Variants in OTUD7B observed in about 807,000 individuals in gnomAD.
OTUD7B encodes OTU domain-containing protein 7B.
In OTUD7B, 34 loss-of-function variants were observed where a neutral mutation model predicts 82.2. That is an observed-to-expected ratio of 0.41 (90% CI 0.31 to 0.55). The LOEUF (loss-of-function observed/expected upper bound fraction) is 0.55. Ranked by LOEUF, OTUD7B falls within the 20% of genes least tolerant of loss-of-function variation. The pLI, the probability that OTUD7B is intolerant of heterozygous loss-of-function variation, is 0.20. For missense variants in OTUD7B, 944 were observed against 1,062.1 expected (o/e 0.89, Z 1.55); for synonymous variants, 398 against 402.7 (o/e 0.99, Z 0.14).
chr1:150,035,352 G>A, the OTUD7B span, among the ~76,000 whole-genome samples: 2 of 152,118 alleles, frequency 1.3e-5, no homozygotes, highest in African/African-American at 4.8e-5. Context: ...ATAACAGCAG[G>A]GGAGAAAAAG....
the OTUD7B span, among the ~76,000 whole-genome samples, chr1:150,032,693 A>G: frequency 9.9e-5 from 15 of 150,978 alleles, 1 homozygote; most frequent in East Asian, 3.9e-4. Context: ...GAAGAAGAAG[A>G]AGGAGGAGGA....
At chr1:149,950,977 A>T (rs75286837) in intron 7 of OTUD7B, among the ~76,000 whole-genome samples, 9,927 of 22,096 alleles carry the variant, frequency 0.45, 1,053 homozygotes, top group East Asian at 0.58. Context: ...TACTTTTTGT[A>T]TTTTTTTTTT....
chr1:150,059,053 C>CTTTTTTTT, the OTUD7B span, among the ~76,000 whole-genome samples: 10 of 125,472 alleles, frequency 8.0e-5, no homozygotes, highest in African/African-American at 9.6e-5. Flanking sequence ...ACTTTCTTTT[C>CTTTTTTTT]TTTTTTTTTT....
chr1:150,029,421 C>T, the OTUD7B span, among the ~76,000 whole-genome samples: 1 of 152,158 alleles, frequency 6.6e-6, no homozygotes, highest in African/African-American at 2.4e-5. Flanking sequence ...CGAGGTCATT[C>T]TTGATACTTA....
chr1:150,033,747 T>G, the OTUD7B span, among the ~76,000 whole-genome samples: 1 of 152,122 alleles, frequency 6.6e-6, no homozygotes, highest in Non-Finnish European at 1.5e-5. Flanking sequence ...TTTTTTGAGA[T>G]GGAATCTCGC....
chr1:149,956,173 C>T (rs941750138), intron 7 of OTUD7B, among the ~76,000 whole-genome samples: 4 of 152,230 alleles, frequency 2.6e-5, no homozygotes, highest in East Asian at 3.9e-4. Context: ...TGGCTGGTAT[C>T]GGTTGTTCCT....
At chr1:149,995,487 G>A (rs1651863675) in intron 1 of OTUD7B, among the ~76,000 whole-genome samples, 1 of 152,078 alleles carries the variant, frequency 6.6e-6, no homozygotes, top group South Asian at 2.1e-4. Context: ...GCTGAGCCAG[G>A]GGAATCGCTT....
At chr1:150,053,474 G>A in the OTUD7B span, among the ~76,000 whole-genome samples, 1 of 150,092 alleles carries the variant, frequency 6.7e-6, no homozygotes, top group South Asian at 2.1e-4. Flanking sequence ...TCGGCTCACC[G>A]CAACTTCTGC....
intron 1 of OTUD7B, among the ~76,000 whole-genome samples, chr1:150,006,504 C>T (rs1221379963): frequency 1.3e-5 from 2 of 152,054 alleles, no homozygotes; most frequent in Admixed American, 1.3e-4. Flanking sequence ...TGGGTCACTA[C>T]AAATAACAGT....
chr1:150,027,646 T>G, the OTUD7B span, among the ~76,000 whole-genome samples: 2 of 152,122 alleles, frequency 1.3e-5, no homozygotes, highest in Non-Finnish European at 2.9e-5. Context: ...AGTGATCAAC[T>G]TGACATTTCT....
At chr1:149,959,286 G>A (rs191491923) in intron 7 of OTUD7B, among the ~76,000 whole-genome samples, 314 of 151,858 alleles carry the variant, frequency 2.1e-3, no homozygotes, top group Non-Finnish European at 3.8e-3. Context: ...GGCTGGTTTC[G>A]AACTCCTGGG....
At chr1:149,983,198 C>A (rs782207720) in intron 1 of OTUD7B, among the ~76,000 whole-genome samples, 7 of 152,146 alleles carry the variant, frequency 4.6e-5, no homozygotes, top group Non-Finnish European at 1.0e-4. Flanking sequence ...GACATCCAGT[C>A]TCTTAACCAC....
the OTUD7B span, among the ~76,000 whole-genome samples, chr1:150,029,835 T>C: frequency 6.6e-6 from 1 of 152,064 alleles, no homozygotes; most frequent in Non-Finnish European, 1.5e-5. Context: ...CCTATACAAA[T>C]CTCCTATCCC....
intron 1 of OTUD7B, among the ~76,000 whole-genome samples, chr1:149,983,151 G>A (rs61807555): frequency 0.076 from 11,515 of 152,090 alleles, 552 homozygotes; most frequent in Non-Finnish European, 0.1. Context: ...CACTGCGCCC[G>A]GCCTCCTCTG....
At chr1:149,971,522 C>T (rs917968567) in intron 2 of OTUD7B, among the ~76,000 whole-genome samples, 32 of 151,878 alleles carry the variant, frequency 2.1e-4, no homozygotes, top group Admixed American at 2.6e-4. Context: ...ATCTAGTAAC[C>T]GAAAATTAAA....
At chr1:150,054,430 C>A in the OTUD7B span, 2 of 534,128 alleles carry the variant, frequency 3.7e-6, no homozygotes, top group Non-Finnish European at 3.7e-6. Context: ...AAAGAACACA[C>A]CAGAAATCTG....
At chr1:150,058,825 C>T in the OTUD7B span, among the ~76,000 whole-genome samples, 23 of 152,096 alleles carry the variant, frequency 1.5e-4, no homozygotes, top group South Asian at 4.1e-3. Flanking sequence ...GAGAAAAGCA[C>T]AATAAAACAT....
At chr1:150,049,205 A>G in the OTUD7B span, among the ~76,000 whole-genome samples, 1 of 152,184 alleles carries the variant, frequency 6.6e-6, no homozygotes, top group Non-Finnish European at 1.5e-5. Flanking sequence ...AAAATACACT[A>G]TAAATCAGAT....
At chr1:149,990,884 G>A (rs1308310927) in intron 1 of OTUD7B, among the ~76,000 whole-genome samples, 1 of 152,080 alleles carries the variant, frequency 6.6e-6, no homozygotes, top group Non-Finnish European at 1.5e-5. Flanking sequence ...CGAGCTACTT[G>A]GGAGGCTGAG....
Sources: gnomAD v4.1 joint callset for allele counts (sites outside exome capture counted in the v4.1 genomes callset) on GRCh38, gnomAD v4.1.1 for gene constraint, MANE v1.5 for transcripts, NCBI Gene and HGNC (gene_info 2026-07-23, HGNC 2026-07-21) for gene names.